TAF9: variants seen among roughly 807,000 people sequenced by gnomAD.
TAF9 encodes the protein transcription initiation factor TFIID subunit 9.
In TAF9, 10 loss-of-function variants were observed where a neutral mutation model predicts 16.5. The ratio of observed to expected loss-of-function variants is 0.61; its 90% CI spans 0.37 to 1.03. The LOEUF is 1.03. Among genes scored for constraint, TAF9 ranks in the 50% least tolerant of loss-of-function variants. The probability of loss-of-function intolerance (pLI) is 0.01; values close to 1 mark genes in which losing one functional copy is unlikely to be tolerated. For missense variants in TAF9, 288 were observed against 319.1 expected, an observed-to-expected ratio of 0.90 and a Z score of 0.74; for synonymous variants, 105 against 120.5, an observed-to-expected ratio of 0.87 and a Z score of 0.84.
upstream of TAF9, chr5:69,369,739 G>A (rs1449149640): frequency 2.0e-6 from 3 of 1,536,770 alleles, no homozygotes; most frequent in African/African-American, 2.7e-5. Context: ...GCAGTGCGCT[G>A]GATGCCTAAG....
chr5:69,369,535 T>C (rs755470324), upstream of TAF9: 5 of 1,610,982 alleles, frequency 3.1e-6, no homozygotes, highest in Non-Finnish European at 4.2e-6. Context: ...ACGTGCCCTT[T>C]GCTCTACAGG....
chr5:69,366,357 T>C (rs1463222168), intron 2 of TAF9, 146 bp downstream of exon 2: 1 of 637,358 alleles, frequency 1.6e-6, no homozygotes, highest in East Asian at 2.7e-5. Context: ...AGACACTTAA[T>C]ATTTCTGTGG....
In TAF9 at chr5:69,365,468, A is replaced by G; in HGVS notation, c.270T>C (p.Asp90=). 2 of 1,614,196 alleles carry G rather than the reference A, an allele frequency of 1.2e-6. No individual in the cohort carries two copies. The highest frequency in any genetic ancestry group is 1.6e-4 in the Middle Eastern group (1 of 6,062). The change falls in exon 3 of 3, where the codon GAT becomes GAC. Residue 90 remains aspartate, a synonymous_variant. Coordinates refer to ENST00000217893, the MANE Select transcript of TAF9 (RefSeq NM_003187.5). ...DQSFTSPPPR[D]FLLDIARQRN... ...TTTGCCTTGCAATATCTAATAAAAA[A>G]TCTCTTGGGGGAGGAGAGGTAAAAG...
intron 1 of TAF9, 128 bp from the exon 2 acceptor site, chr5:69,366,723 C>A: frequency 1.5e-6 from 1 of 682,814 alleles, no homozygotes; most frequent in South Asian, 1.9e-5. Flanking sequence ...AAGTTCTTGA[C>A]GACTGAAATG....
At chr5:69,367,996 C>T (rs1762554542) in intron 1 of TAF9, 1 of 152,198 alleles carries the variant, frequency 6.6e-6, no homozygotes, top group South Asian at 2.1e-4. Context: ...GAGACTCTGT[C>T]TCAAACAAAA....
chr5:69,369,186 G>C (rs1205488322), intron 1 of TAF9: 4 of 499,732 alleles, frequency 8.0e-6, no homozygotes, highest in East Asian at 3.5e-5. Context: ...AGACTAAGCA[G>C]GTTGCCAAGC....
chr5:69,366,782 G>A, intron 1 of TAF9, 187 bp from the exon 2 acceptor site: 1 of 578,328 alleles, frequency 1.7e-6, no homozygotes, highest in African/African-American at 1.9e-5. Context: ...TTTTGAGACA[G>A]AGTTTCACTC....
At chr5:69,369,244 C>CCCCCCCCCCCCCCCCCA in intron 1 of TAF9, 1 of 266,128 alleles carries the variant, frequency 3.8e-6, no homozygotes, top group South Asian at 1.2e-4. Flanking sequence ...CCGCCCCCCC[C>CCCCCCCCCCCCCCCCCA]CGGAGCCTCA....
In TAF9 at chr5:69,366,599, TA is replaced by T; in HGVS notation, c.-110-5del. Reference sequence around the variant, plus strand: ...GTTTTTCCAACCCCTGGTGTACCTGTAAGACAAGCCACAGAAAAATACTGTT... The same window carrying T: ...GTTTTTCCAACCCCTGGTGTACCTGTAGACAAGCCACAGAAAAATACTGTT... On this transcript the variant is annotated splice_polypyrimidine_tract_variant and splice_region_variant and intron_variant, in intron 1 of 2. Coordinates refer to ENST00000217893, the MANE Select transcript of TAF9 (RefSeq NM_003187.5). The T allele has an allele frequency of 1.9e-6, 3 of 1,606,906 alleles. No homozygotes were observed. The South Asian group carries it at 3.3e-5, about 18-fold the overall frequency.
chr5:69,369,609 C>T, upstream of TAF9: 1 of 1,582,212 alleles, frequency 6.3e-7, no homozygotes, highest in Non-Finnish European at 8.6e-7. Flanking sequence ...AAGCCCACCG[C>T]GGCGCCCCTA....
Position 69,365,768 on chromosome 5 carries a change from GA to G in TAF9, c.-17-15del. The G allele has an allele frequency of 1.3e-6, 2 of 1,482,574 alleles. No homozygotes were observed. Among genetic ancestry groups the G allele is most frequent in the Non-Finnish European group, 1.8e-6 (2 of 1,110,714 alleles). 91.8% of individuals were successfully genotyped at this position (1,482,574 alleles called of 1,614,324 possible). ...CCGATGATCAGACTTTAGATCATTT[GA>G]AAAAAATATGTACATTAGATCAATC... is the stretch of plus-strand genomic sequence containing the variant. On this transcript the variant is annotated splice_polypyrimidine_tract_variant and intron_variant, in intron 2 of 2. Coordinates refer to ENST00000217893, the MANE Select transcript of TAF9 (RefSeq NM_003187.5).
chr5:69,366,267 C>G lies in TAF9; in HGVS notation c.-18+236G>C, dbSNP rs4252229. On this transcript the variant is annotated intron_variant, in intron 2 of 2. Transcript: ENST00000217893. ...CCGAAATCCAGTCTCTTTATAGGAG[C>G]CTTCCCAACTATTCACAAGAATTGC... 6.1e-3 allele frequency among the ~76,000 whole-genome samples: 935 copies of G among 152,272 alleles called. 8 individuals are homozygous for G. The highest frequency in any genetic ancestry group is 0.021 in the African/African-American group (883 of 41,548).
chr5:69,368,660 C>T (rs148209987), intron 1 of TAF9, among the ~76,000 whole-genome samples: 1 of 152,350 alleles, frequency 6.6e-6, no homozygotes, highest in African/African-American at 2.4e-5. Flanking sequence ...ACTGTTCCCA[C>T]AAAGAGTCTT....
At position 69,365,477 on chromosome 5, in the gene TAF9, G is replaced by A. The variant is rs1408759117; in HGVS notation, c.261C>T (p.Pro87=). The change falls in exon 3 of 3, where the codon CCC becomes CCT. Residue 87 remains proline, a synonymous_variant. Transcript: ENST00000217893. ...CRADQSFTSP[P]PRDFLLDIAR... is the part of the protein sequence containing the mutation. Reference sequence around the variant, plus strand: ...CAATATCTAATAAAAAATCTCTTGGGGGAGGAGAGGTAAAAGACTGATCAG... The same window carrying A: ...CAATATCTAATAAAAAATCTCTTGGAGGAGGAGAGGTAAAAGACTGATCAG... The A allele has an allele frequency of 1.9e-6, 3 of 1,614,040 alleles. No individual in the cohort carries two copies. The highest frequency in any genetic ancestry group is 2.7e-5 in the African/African-American group (2 of 74,924).
chr5:69,365,921 G>A lies in TAF9; in HGVS notation c.-17-167C>T, dbSNP rs964171099. Among the ~76,000 whole-genome samples the A allele has an allele frequency of 5.3e-5, 8 of 152,102 alleles. No homozygotes were observed. The East Asian group carries it at 7.7e-4, about 15-fold the overall frequency. Reference sequence around the variant, plus strand: ...AATTTTAATGAGGCAACTTAAGGTCGCTTTAATTTATTGAGTTCCTACCAT... The same window carrying A: ...AATTTTAATGAGGCAACTTAAGGTCACTTTAATTTATTGAGTTCCTACCAT... On this transcript the variant is annotated intron_variant, in intron 2 of 2. Coordinates refer to ENST00000217893, the MANE Select transcript of TAF9 (RefSeq NM_003187.5).
At chr5:69,366,342 G>T in intron 2 of TAF9, 161 bp downstream of exon 2, 1 of 177,526 alleles carries the variant, frequency 5.6e-6, no homozygotes, top group South Asian at 1.9e-4. Context: ...CCAGGACATA[G>T]CATTAGACAC....
chr5:69,369,237 C>CG (rs1762718308), intron 1 of TAF9: 3 of 57,194 alleles, frequency 5.2e-5, no homozygotes, highest in African/African-American at 8.8e-5. Context: ...CCCCCCCCCG[C>CG]CCCCCCCCGG....
chr5:69,365,297 C>T lies in TAF9; in HGVS notation c.441G>A (p.Arg147=). Residue 147 remains arginine (R), a synonymous_variant, in exon 3 of 3, where the codon CGG becomes CGA. Transcript: ENST00000217893. Reference sequence around the variant, plus strand: ...TGCTAGTAACTGAACCAACACTTAACCGCGGGACTGTTATTCTTCCCGCAG... The same window carrying T: ...TGCTAGTAACTGAACCAACACTTAATCGCGGGACTGTTATTCTTCCCGCAG... ...STSAGRITVP[R]LSVGSVTSRP... 2 of 1,614,200 alleles carry T rather than the reference C, an allele frequency of 1.2e-6. No individual in the cohort carries two copies. Among genetic ancestry groups the T allele is most frequent in the Non-Finnish European group, 8.5e-7 (1 of 1,180,044 alleles).
chr5:69,365,404 C>A lies in TAF9; in HGVS notation c.334G>T (p.Gly112Cys), dbSNP rs1342338297. ...TPLPLIKPYS[G>C]PRLPPDRYCL... Reference sequence around the variant, plus strand: ...TATCTATCAGGTGGCAACCTAGGACCTGAATATGGCTTGATCAATGGCAAA... The same window carrying A: ...TATCTATCAGGTGGCAACCTAGGACATGAATATGGCTTGATCAATGGCAAA... Residue 112 changes from glycine to cysteine, a missense_variant, in exon 3 of 3, where the codon GGT becomes TGT. Gly to Cys is a radical substitution (Grantham distance 159, BLOSUM62 -3). Coordinates refer to ENST00000217893, the MANE Select transcript of TAF9 (RefSeq NM_003187.5). The A allele has an allele frequency of 6.2e-7, 1 of 1,614,196 alleles. No homozygotes were observed. The highest frequency in any genetic ancestry group is 8.5e-7 in the Non-Finnish European group (1 of 1,180,032).
Sources: allele counts gnomAD v4.1 joint callset (sites outside exome capture counted in the v4.1 genomes callset), GRCh38; gene constraint gnomAD v4.1.1; transcripts MANE v1.5; gene names NCBI Gene and HGNC (gene_info 2026-07-23, HGNC 2026-07-21).